Variants in L3MBTL4 observed in about 807,000 individuals in gnomAD.
L3MBTL4 encodes lethal(3)malignant brain tumor-like protein 4.
In L3MBTL4, 70 loss-of-function variants were observed where a neutral mutation model predicts 84.5. The observed-to-expected ratio is 0.83, with a 90% CI of 0.68 to 1.01. L3MBTL4 has a LOEUF of 1.01. Among genes scored for constraint, L3MBTL4 ranks in the 50% least tolerant of loss-of-function variants. The probability of loss-of-function intolerance (pLI) is 0.00; values close to 1 mark genes in which losing one functional copy is unlikely to be tolerated. For missense variants in L3MBTL4, 715 were observed against 754.8 expected, an observed-to-expected ratio of 0.95 and a Z score of 0.62; for synonymous variants, 274 against 259.8, an observed-to-expected ratio of 1.05 and a Z score of -0.52.
At chr18:6,406,471 G>C (rs1170140122) in intron 1 of L3MBTL4, among the ~76,000 whole-genome samples, 3 of 152,186 alleles carry the variant, frequency 2.0e-5, no homozygotes, top group East Asian at 3.8e-4. Flanking sequence ...TTCTGAGCCT[G>C]GAAACATTGC....
chr18:6,073,358 A>G lies in L3MBTL4; in HGVS notation c.1444+7523T>C, dbSNP rs148767096. ...TATACAAATTCCTAGAAAAACTAAT[A>G]CAAGAAGAAATTTTAAAAATCTAAA... On this transcript the variant is annotated intron_variant, in intron 16 of 18. Coordinates refer to ENST00000317931, the MANE Select transcript of L3MBTL4 (RefSeq NM_001330559.2). Among the ~76,000 whole-genome samples the G allele has an allele frequency of 2.6e-5, 4 of 152,250 alleles. 1 individual carries two copies. The East Asian group carries it at 7.7e-4, about 29-fold the overall frequency.
At chr18:6,099,724 A>T (rs2058757459) in intron 14 of L3MBTL4, among the ~76,000 whole-genome samples, 1 of 150,300 alleles carries the variant, frequency 6.7e-6, no homozygotes, top group South Asian at 2.1e-4. Context: ...TTTGTCCATA[A>T]AATAGCTGAC....
rs1289845598 is a variant in L3MBTL4, at chr18:6,072,369, C to T, written c.1444+8512G>A. 5.3e-5 allele frequency among the ~76,000 whole-genome samples: 8 copies of T among 151,894 alleles called. No homozygotes were observed. In the East Asian group the frequency reaches 1.5e-3, roughly 29 times the overall value. ...TCAATAACAAAAAGTTAATAAAATC[C>T]CCAAATATCTGGAAATGAATCAGTA... is the stretch of plus-strand genomic sequence containing the variant. On this transcript the variant is annotated intron_variant, in intron 16 of 18. Transcript: ENST00000317931.
Position 6,364,645 on chromosome 18 carries a change from T to A in L3MBTL4, c.-91+50156A>T, listed in dbSNP as rs370405342. Among the ~76,000 whole-genome samples, 173 of 152,308 alleles carry A rather than the reference T, an allele frequency of 1.1e-3. No homozygotes were observed. The South Asian group carries it at 0.015, about 13-fold the overall frequency. The stretch of plus-strand genomic sequence containing the variant: ...AAACTGATGAAATTAGATTTCATCA[T>A]AAATTTATACATAACACAAATTTAC... On this transcript the variant is annotated intron_variant, in intron 1 of 18. Coordinates refer to ENST00000317931, the MANE Select transcript of L3MBTL4 (RefSeq NM_001330559.2).
intron 12 of L3MBTL4, among the ~76,000 whole-genome samples, chr18:6,191,572 G>A (rs1241998490): frequency 6.6e-6 from 1 of 152,174 alleles, no homozygotes; most frequent in Non-Finnish European, 1.5e-5. Flanking sequence ...TGATATAGGA[G>A]TTTGCAGTTC....
chr18:6,344,818 C>G (rs751579999), intron 1 of L3MBTL4, among the ~76,000 whole-genome samples: 16 of 147,110 alleles, frequency 1.1e-4, no homozygotes, highest in Non-Finnish European at 2.4e-4. Flanking sequence ...AAGCATTTTT[C>G]ATGATTAAAA....
At chr18:6,229,715 C>T (rs2046916964) in intron 10 of L3MBTL4, among the ~76,000 whole-genome samples, 1 of 152,144 alleles carries the variant, frequency 6.6e-6, no homozygotes, top group Admixed American at 6.6e-5. Flanking sequence ...TTTCCCAGCA[C>T]CACTTGTTGA....
At position 6,059,101 on chromosome 18, in the gene L3MBTL4, G is replaced by A. The variant is rs183379310; in HGVS notation, c.1444+21780C>T. Among the ~76,000 whole-genome samples, 5 of 152,316 alleles carry A rather than the reference G, an allele frequency of 3.3e-5. No homozygotes were observed. In the East Asian group the frequency reaches 5.8e-4, roughly 18 times the overall value. The stretch of plus-strand genomic sequence containing the variant: ...CAGCAGTGTCAGAGGGACTGATTAC[G>A]CATCTAGTCTGGAGTGATGTGGAAA... On this transcript the variant is annotated intron_variant, in intron 16 of 18. Coordinates refer to ENST00000317931, the MANE Select transcript of L3MBTL4 (RefSeq NM_001330559.2).
chr18:6,349,493 C>T (rs1393883626), intron 1 of L3MBTL4, among the ~76,000 whole-genome samples: 1 of 152,052 alleles, frequency 6.6e-6, no homozygotes, highest in Non-Finnish European at 1.5e-5. Context: ...CTTCGGGAGG[C>T]CGAGGTGGGA....
intron 1 of L3MBTL4, among the ~76,000 whole-genome samples, chr18:6,323,686 A>C (rs1213256007): frequency 6.6e-6 from 1 of 152,238 alleles, no homozygotes; most frequent in African/African-American, 2.4e-5. Context: ...GCCTATGCTC[A>C]TATGTGTGAG....
chr18:6,158,884 A>G (rs1568221104), intron 13 of L3MBTL4, among the ~76,000 whole-genome samples: 1 of 152,168 alleles, frequency 6.6e-6, no homozygotes, highest in Non-Finnish European at 1.5e-5. Context: ...TGGTGTCAAG[A>G]TATAAAAGCC....
chr18:6,412,129 TC>T (rs988675968), intron 1 of L3MBTL4, among the ~76,000 whole-genome samples: 11 of 152,222 alleles, frequency 7.2e-5, no homozygotes, highest in Admixed American at 5.2e-4. Context: ...TTCTTCCTGA[TC>T]CCCTCCCTCC....
intron 14 of L3MBTL4, among the ~76,000 whole-genome samples, chr18:6,105,141 A>G (rs2058959313): frequency 6.6e-6 from 1 of 151,732 alleles, no homozygotes; most frequent in African/African-American, 2.4e-5. Context: ...TTATTATTCA[A>G]ATAATTGGTT....
At chr18:6,175,224 A>G (rs2044173641) in intron 12 of L3MBTL4, among the ~76,000 whole-genome samples, 1 of 152,200 alleles carries the variant, frequency 6.6e-6, no homozygotes, top group Non-Finnish European at 1.5e-5. Context: ...ACGATGGGAA[A>G]GTGGGCCACC....
rs535595875 is a variant in L3MBTL4, at chr18:6,285,934, C to T, written c.127+15969G>A. On this transcript the variant is annotated intron_variant, in intron 4 of 18. Coordinates refer to ENST00000317931, the MANE Select transcript of L3MBTL4 (RefSeq NM_001330559.2). Reference sequence around the variant, plus strand: ...GCAACCTCCGCCTCCCGGGTTCAAGCGATTCTTCTGCCTCAGCCTCCCCAG... The same window carrying T: ...GCAACCTCCGCCTCCCGGGTTCAAGTGATTCTTCTGCCTCAGCCTCCCCAG... 4.2e-4 allele frequency among the ~76,000 whole-genome samples: 63 copies of T among 151,460 alleles called. 1 individual carries two copies. The South Asian group carries it at 9.2e-3, about 22-fold the overall frequency.
chr18:6,339,398 A>C (rs1370680902), intron 1 of L3MBTL4, among the ~76,000 whole-genome samples: 1 of 152,186 alleles, frequency 6.6e-6, no homozygotes, highest in Non-Finnish European at 1.5e-5. Flanking sequence ...ATATCAAAAT[A>C]ATCAAAGAAT....
chr18:6,234,152 C>T (rs1037998291), intron 10 of L3MBTL4, among the ~76,000 whole-genome samples: 1 of 152,048 alleles, frequency 6.6e-6, no homozygotes, highest in Admixed American at 6.6e-5. Flanking sequence ...TTACCCCTTA[C>T]ACAAAAATTA....
intron 1 of L3MBTL4, chr18:6,326,829 A>T (rs1274621495): frequency 6.6e-6 from 1 of 152,234 alleles, no homozygotes. Context: ...CAAGGGCGTC[A>T]GCAATATTAA....
intron 1 of L3MBTL4, among the ~76,000 whole-genome samples, chr18:6,331,381 C>T (rs1568504414): frequency 6.6e-6 from 1 of 152,106 alleles, no homozygotes; most frequent in African/African-American, 2.4e-5. Flanking sequence ...AGGTCCAATT[C>T]CCCCTACCCA....
Sources: allele counts gnomAD v4.1 joint callset (sites outside exome capture counted in the v4.1 genomes callset), GRCh38; gene constraint gnomAD v4.1.1; transcripts MANE v1.5; gene names NCBI Gene and HGNC (gene_info 2026-07-23, HGNC 2026-07-21).